The following NUAK1 variants were observed in gnomAD, a reference collection of about 807,000 sequenced individuals.
The protein encoded by NUAK1 is NUAK family kinase 1.
NUAK1 carries 26 observed loss-of-function variants against 56.9 expected under a neutral mutation model. The observed-to-expected ratio is 0.46, with a 90% confidence interval of 0.33 to 0.63. The LOEUF is 0.63. Among genes scored for constraint, NUAK1 ranks in the 30% least tolerant of loss-of-function variants. The pLI is 0.02. For synonymous variants in NUAK1, 337 were observed against 336.0 expected (o/e 1.00, Z -0.03); for missense variants, 727 against 876.1 (o/e 0.83, Z 2.15).
At chr12:106,083,810 A>C in intron 4 of NUAK1, 54 bp downstream of exon 4, 1 of 1,519,100 alleles carries the variant, frequency 6.6e-7, no homozygotes, top group Non-Finnish European at 9.1e-7. Context: ...TTAAGCCTCC[A>C]TCCGGCTGCA....
intron 2 of NUAK1, among the ~76,000 whole-genome samples, chr12:106,102,824 G>A (rs1285248572): frequency 1.3e-5 from 2 of 152,172 alleles, no homozygotes; most frequent in Admixed American, 1.3e-4. Context: ...AGGACTGGAG[G>A]CTGAAGCTCA....
At chr12:106,088,958 A>G (rs1565921557) in intron 2 of NUAK1, among the ~76,000 whole-genome samples, 1 of 152,104 alleles carries the variant, frequency 6.6e-6, no homozygotes, top group Non-Finnish European at 1.5e-5. Flanking sequence ...GAGGGTAGGG[A>G]GGAGGAGGAG....
At chr12:106,121,146 C>T (rs142853737) in intron 1 of NUAK1, among the ~76,000 whole-genome samples, 3 of 152,304 alleles carry the variant, frequency 2.0e-5, no homozygotes, top group Admixed American at 2.0e-4. Context: ...GTCAGGCAGA[C>T]CCGAGCTTTT....
intron 1 of NUAK1, among the ~76,000 whole-genome samples, chr12:106,107,083 C>T (rs562753142): frequency 3.7e-4 from 57 of 152,266 alleles, no homozygotes; most frequent in African/African-American, 1.3e-3. Flanking sequence ...TACATCCTTC[C>T]TCTTGCCCAA....
chr12:106,088,001 G>A (rs2032592539), intron 2 of NUAK1, among the ~76,000 whole-genome samples: 1 of 152,232 alleles, frequency 6.6e-6, no homozygotes, highest in African/African-American at 2.4e-5. Context: ...CAAGGAAACA[G>A]TCTTCCCAAA....
At chr12:106,130,404 G>T (rs1020443680) in intron 1 of NUAK1, among the ~76,000 whole-genome samples, 13 of 152,226 alleles carry the variant, frequency 8.5e-5, no homozygotes, top group African/African-American at 2.7e-4. Context: ...ATCCTCCTCT[G>T]AAAGTCCCTA....
chr12:106,074,054 T>C, intron 4 of NUAK1, among the ~76,000 whole-genome samples: 1 of 152,122 alleles, frequency 6.6e-6, no homozygotes, highest in South Asian at 2.1e-4. Flanking sequence ...CATATATACA[T>C]ACATATACAT....
At chr12:106,134,488 A>G (rs1162238388) in intron 1 of NUAK1, among the ~76,000 whole-genome samples, 3 of 152,126 alleles carry the variant, frequency 2.0e-5, no homozygotes, top group Non-Finnish European at 4.4e-5. Flanking sequence ...AGGGGCACAC[A>G]TTGCCCACCA....
At chr12:106,127,410 C>T in intron 1 of NUAK1, among the ~76,000 whole-genome samples, 1 of 152,136 alleles carries the variant, frequency 6.6e-6, no homozygotes, top group Non-Finnish European at 1.5e-5. Flanking sequence ...CTCAAGTGAT[C>T]CCCCTGCCTC....
rs115308795 is a variant in NUAK1, at chr12:106,113,915, G to T, written c.241-7390C>A. ...TACACATAACCCGGAGCACGAAAAA[G>T]CCTCTGGTAACACAAGAGACGCTAA... On this transcript the variant is annotated intron_variant, in intron 1 of 6. Transcript: ENST00000261402. 4.7e-3 allele frequency among the ~76,000 whole-genome samples: 709 copies of T among 152,176 alleles called. 1 individual carries two copies. Among genetic ancestry groups the T allele is most frequent in the African/African-American group, 0.016 (669 of 41,514 alleles).
In NUAK1 at chr12:106,064,313, C is replaced by T. The variant is rs887360309; in HGVS notation, c.*2489G>A. On this transcript the variant is annotated 3_prime_UTR_variant, in exon 7 of 7. Coordinates refer to ENST00000261402, the MANE Select transcript of NUAK1 (RefSeq NM_014840.3). The stretch of plus-strand genomic sequence containing the variant: ...AGAGGATGTTGGCAGAGTGTCAGAG[C>T]TAAGCGGGGCTTCAGGTACCAGCTA... 6 of 152,248 alleles carry T rather than the reference C, an allele frequency of 3.9e-5. No homozygotes were observed. Among genetic ancestry groups the T allele is most frequent in the African/African-American group, 1.4e-4 (6 of 41,452 alleles). 9.4% of individuals were successfully genotyped at this position (152,248 alleles called of 1,614,324 possible). A position where few individuals can be genotyped will look rare whatever the true frequency, so the allele number is the denominator to read the frequency against.
intron 1 of NUAK1, among the ~76,000 whole-genome samples, chr12:106,129,195 A>G (rs920846976): frequency 2.6e-5 from 4 of 152,194 alleles, no homozygotes; most frequent in African/African-American, 9.7e-5. Context: ...GCTGTCACTG[A>G]GAAGCACCTG....
chr12:106,079,856 C>T lies in NUAK1; in HGVS notation c.579+4008G>A, dbSNP rs557674532. On this transcript the variant is annotated intron_variant, in intron 4 of 6. Transcript: ENST00000261402. ...ATTATCACTGCTAGTTTAACAACTG[C>T]GAGATCCTGAGTTCCAAGACAGAAA... Among the ~76,000 whole-genome samples the T allele has an allele frequency of 2.6e-5, 4 of 152,296 alleles. No homozygotes were observed. In the South Asian group the frequency reaches 8.3e-4, roughly 32 times the overall value.
intron 1 of NUAK1, among the ~76,000 whole-genome samples, chr12:106,109,517 G>A (rs2032836794): frequency 6.8e-6 from 1 of 146,466 alleles, no homozygotes. Flanking sequence ...GACCCAGGGA[G>A]CTAAGAATGA....
At chr12:106,071,349 T>G (rs2032405420) in intron 5 of NUAK1, among the ~76,000 whole-genome samples, 2 of 152,226 alleles carry the variant, frequency 1.3e-5, no homozygotes, top group Non-Finnish European at 2.9e-5. Flanking sequence ...AATTCCTTCC[T>G]GCACTTTCTT....
intron 1 of NUAK1, among the ~76,000 whole-genome samples, chr12:106,130,175 T>C (rs190755568): frequency 4.1e-4 from 62 of 152,094 alleles, no homozygotes; most frequent in Admixed American, 7.8e-4. Flanking sequence ...AGAGACGGGG[T>C]TTCACCATGT....
chr12:106,120,675 A>G (rs567894111), intron 1 of NUAK1, among the ~76,000 whole-genome samples: 1 of 152,286 alleles, frequency 6.6e-6, no homozygotes, highest in Non-Finnish European at 1.5e-5. Context: ...AAATAAACAG[A>G]CAGTCAAAGG....
Position 106,138,732 on chromosome 12 carries a change from A to G in NUAK1, c.-79T>C. ...GGATGTCGGGGTCCCCACCGAGGGA[A>G]GCCGCTGTACGCTCAAGGTCGCCCC... On this transcript the variant is annotated 5_prime_UTR_variant, in exon 1 of 7. Coordinates refer to ENST00000261402, the MANE Select transcript of NUAK1 (RefSeq NM_014840.3). This position sits in a 1 kb window ranked among gnomAD's most constrained non-coding sequence, Gnocchi z 5.0. 7.0e-7 allele frequency: 1 copy of G among 1,427,154 alleles called. No individual in the cohort carries two copies. The highest frequency in any genetic ancestry group is 9.1e-7 in the Non-Finnish European group (1 of 1,097,046). 88.4% of individuals were successfully genotyped at this position (1,427,154 alleles called of 1,614,324 possible).
At chr12:106,115,717 C>A (rs1283596434) in intron 1 of NUAK1, among the ~76,000 whole-genome samples, 1 of 152,240 alleles carries the variant, frequency 6.6e-6, no homozygotes, top group Non-Finnish European at 1.5e-5. Context: ...CCCCAAGAAA[C>A]CGCAGGCTGA....
Sources: allele counts gnomAD v4.1 joint callset (sites outside exome capture counted in the v4.1 genomes callset), GRCh38; gene constraint gnomAD v4.1.1; non-coding constraint Gnocchi (gnomAD v3.1); transcripts MANE v1.5; gene names NCBI Gene and HGNC (gene_info 2026-07-23, HGNC 2026-07-21).